Variants in NRXN3 observed in about 807,000 individuals in gnomAD.
The protein encoded by NRXN3 is neurexin III.
NRXN3 carries 32 observed loss-of-function variants against 137.6 expected under a neutral mutation model. The observed-to-expected ratio is 0.23, with a 90% confidence interval of 0.18 to 0.31. The LOEUF is 0.31. NRXN3 is among the 10% of genes least tolerant of loss of function. NRXN3 has a pLI of 1.00. For synonymous variants in NRXN3, 798 were observed against 784.5 expected (o/e 1.02, Z -0.29); for missense variants, 1,574 against 2,062.5 (o/e 0.76, Z 4.59).
At chr14:78,253,162 G>A (rs913034656) in intron 2 of NRXN3, among the ~76,000 whole-genome samples, 8 of 152,192 alleles carry the variant, frequency 5.3e-5, no homozygotes, top group Non-Finnish European at 1.0e-4. Flanking sequence ...TTAGGCAGAG[G>A]TGTTGTACAA....
chr14:78,944,303 T>C (rs1156846346), intron 10 of NRXN3, among the ~76,000 whole-genome samples: 1 of 152,180 alleles, frequency 6.6e-6, no homozygotes, highest in Non-Finnish European at 1.5e-5. Flanking sequence ...TGTACTTATG[T>C]GGTCATGGGA....
intron 4 of NRXN3, among the ~76,000 whole-genome samples, chr14:78,485,230 G>A (rs1027202961): frequency 6.6e-6 from 1 of 152,194 alleles, no homozygotes; most frequent in Non-Finnish European, 1.5e-5. Context: ...AGAAGCAATT[G>A]TGTGTCCCCC....
chr14:78,492,526 T>TG (rs1599408098), intron 4 of NRXN3, among the ~76,000 whole-genome samples: 1 of 152,176 alleles, frequency 6.6e-6, no homozygotes, highest in Non-Finnish European at 1.5e-5. Context: ...GTTTTAGTAT[T>TG]GGTATAGTAT....
intron 4 of NRXN3, among the ~76,000 whole-genome samples, chr14:78,542,375 C>T (rs1206788530): frequency 6.6e-6 from 1 of 152,248 alleles, no homozygotes; most frequent in African/African-American, 2.4e-5. Flanking sequence ...CTTTGTTTAC[C>T]TACTCAAGCC....
Position 79,670,820 on chromosome 14 carries a change from C to T in NRXN3, c.3616+6871C>T, listed in dbSNP as rs114668741. Among the ~76,000 whole-genome samples the T allele has an allele frequency of 2.2e-3, 333 of 152,194 alleles. 1 individual carries two copies. Among genetic ancestry groups the T allele is most frequent in the African/African-American group, 7.4e-3 (309 of 41,536 alleles). ...TGTATTGTCTGGATTATCTACCACC[C>T]GTATACATTTTAGGACCATTTTTTA... On this transcript the variant is annotated intron_variant, in intron 17 of 20. Coordinates refer to ENST00000335750, the MANE Select transcript of NRXN3 (RefSeq NM_001330195.2).
chr14:79,080,264 C>T (rs1374502514), intron 15 of NRXN3, among the ~76,000 whole-genome samples: 1 of 152,128 alleles, frequency 6.6e-6, no homozygotes, highest in African/African-American at 2.4e-5. Context: ...TTGACTCACT[C>T]AATTTCAAAG....
chr14:79,612,564 C>T (rs989309951), intron 16 of NRXN3, among the ~76,000 whole-genome samples: 8 of 152,214 alleles, frequency 5.3e-5, no homozygotes, highest in African/African-American at 1.7e-4. Flanking sequence ...TTAACAAATC[C>T]CCAACAAGCC....
intron 8 of NRXN3, among the ~76,000 whole-genome samples, chr14:78,770,335 G>A (rs1369012970): frequency 6.6e-6 from 1 of 152,204 alleles, no homozygotes; most frequent in Non-Finnish European, 1.5e-5. Context: ...AGGGAATTCA[G>A]CTCCTTGGTG....
At chr14:79,160,577 C>T (rs1486805615) in intron 15 of NRXN3, among the ~76,000 whole-genome samples, 1 of 151,886 alleles carries the variant, frequency 6.6e-6, no homozygotes, top group Non-Finnish European at 1.5e-5. Context: ...GTTCTTTGCA[C>T]ATGTTCGTGT....
At chr14:78,468,710 C>T (rs1443252414) in intron 4 of NRXN3, among the ~76,000 whole-genome samples, 3 of 152,102 alleles carry the variant, frequency 2.0e-5, no homozygotes, top group South Asian at 4.1e-4. Flanking sequence ...TATGGTTATA[C>T]GTATGTGTGA....
intron 15 of NRXN3, among the ~76,000 whole-genome samples, chr14:79,010,651 T>C (rs2099569402): frequency 6.6e-6 from 1 of 152,228 alleles, no homozygotes; most frequent in South Asian, 2.1e-4. Context: ...GAAATGCTTA[T>C]GGAATATTTT....
intron 8 of NRXN3, among the ~76,000 whole-genome samples, chr14:78,758,503 G>A (rs1051014485): frequency 1.3e-5 from 2 of 152,130 alleles, no homozygotes; most frequent in Admixed American, 1.3e-4. Context: ...CCAAATGTGT[G>A]TTTTATCCTC....
At chr14:78,260,537 A>C (rs1171552933) in intron 2 of NRXN3, among the ~76,000 whole-genome samples, 2 of 152,328 alleles carry the variant, frequency 1.3e-5, no homozygotes, top group African/African-American at 4.8e-5. Flanking sequence ...GCCAAATCTC[A>C]TTGTAGCTCC....
intron 4 of NRXN3, among the ~76,000 whole-genome samples, chr14:78,303,854 T>C (rs902223436): frequency 1.3e-5 from 2 of 152,184 alleles, no homozygotes; most frequent in African/African-American, 4.8e-5. Flanking sequence ...TTTACTCATG[T>C]ATTTCAATCC....
rs928239461 is a variant in NRXN3, at chr14:79,719,433, C to G, written c.4014+21496C>G. ...ATATATATATATACCTTTCCCATTT[C>G]AAAAACAAAATCAAAACAAAAAAGG... On this transcript the variant is annotated intron_variant, in intron 19 of 20. Transcript: ENST00000335750. Among the ~76,000 whole-genome samples the G allele has an allele frequency of 7.4e-5, 4 of 53,854 alleles. No individual in the cohort carries two copies. The East Asian group carries it at 3.1e-3, about 41-fold the overall frequency. 35.3% of individuals were successfully genotyped at this position (53,854 alleles called of 152,430 possible).
intron 16 of NRXN3, among the ~76,000 whole-genome samples, chr14:79,655,765 G>A (rs1422150725): frequency 6.6e-6 from 1 of 152,110 alleles, no homozygotes. Flanking sequence ...CTCCACTTCA[G>A]TTGTGACAGC....
chr14:79,738,039 T>C (rs969252481), intron 19 of NRXN3, among the ~76,000 whole-genome samples: 2 of 152,126 alleles, frequency 1.3e-5, no homozygotes, highest in Non-Finnish European at 2.9e-5. Flanking sequence ...TAAACTAGCA[T>C]CTTGACATTC....
At chr14:79,715,711 C>A (rs2098821484) in intron 19 of NRXN3, among the ~76,000 whole-genome samples, 1 of 152,184 alleles carries the variant, frequency 6.6e-6, no homozygotes, top group Non-Finnish European at 1.5e-5. Flanking sequence ...CAATCACAAT[C>A]ATGACACAGT....
At chr14:78,905,195 C>T (rs1443942883) in intron 10 of NRXN3, among the ~76,000 whole-genome samples, 1 of 152,022 alleles carries the variant, frequency 6.6e-6, no homozygotes, top group African/African-American at 2.4e-5. Flanking sequence ...TTTGCCCAGC[C>T]TGTGTTCTAC....
Sources: allele counts gnomAD v4.1 joint callset (sites outside exome capture counted in the v4.1 genomes callset), GRCh38; gene constraint gnomAD v4.1.1; transcripts MANE v1.5; gene names NCBI Gene and HGNC (gene_info 2026-07-23, HGNC 2026-07-21).